The following FLT3LG variants were observed in gnomAD, a reference collection of about 807,000 sequenced individuals.
FLT3LG encodes the protein fms-related tyrosine kinase 3 ligand.
In FLT3LG, 8 loss-of-function variants were observed where a neutral mutation model predicts 30.9. The ratio of observed to expected loss-of-function variants is 0.26; its 90% CI spans 0.15 to 0.47. The LOEUF is 0.47. FLT3LG is among the 20% of genes least tolerant of loss of function. The probability of loss-of-function intolerance (pLI) is 0.99; values close to 1 mark genes in which losing one functional copy is unlikely to be tolerated. For missense variants in FLT3LG, 278 were observed against 306.2 expected (o/e 0.91, Z 0.69); for synonymous variants, 123 against 135.9 (o/e 0.91, Z 0.66).
chr19:49,476,690 A>C lies in FLT3LG; in HGVS notation c.342+124A>C. 7.8e-7 allele frequency: 1 copy of C among 1,281,622 alleles called. No homozygotes were observed. Among genetic ancestry groups the C allele is most frequent in the East Asian group, 2.4e-5 (1 of 41,176 alleles). 79.4% of individuals were successfully genotyped at this position (1,281,622 alleles called of 1,614,324 possible). The stretch of plus-strand genomic sequence containing the variant: ...GCCACCCAACGAAGGTAGAGCGAGA[A>C]GCGCCACCCTGCAGAGCCCTGTTCC... On this transcript the variant is annotated intron_variant, in intron 5 of 8. Coordinates refer to ENST00000597551, the MANE Select transcript of FLT3LG (RefSeq NM_001459.4). The surrounding 1 kb of genome is among the most constrained non-coding windows in gnomAD (Gnocchi z 5.3).
In FLT3LG at chr19:49,476,376, G is replaced by C; in HGVS notation, c.199-47G>C. The C allele has an allele frequency of 6.3e-7, 1 of 1,583,612 alleles. No homozygotes were observed. Among genetic ancestry groups the C allele is most frequent in the African/African-American group, 1.3e-5 (1 of 74,160 alleles). On this transcript the variant is annotated intron_variant, in intron 4 of 8. Coordinates refer to ENST00000597551, the MANE Select transcript of FLT3LG (RefSeq NM_001459.4). This position sits in a 1 kb window ranked among gnomAD's most constrained non-coding sequence, Gnocchi z 5.3. ...AGCCCCTCCTCCCTCAGACCCAGCA[G>C]CCCCGTGCCCAGCTCCTCCCTCAGA...
Position 49,479,006 on chromosome 19 carries a change from G to C in FLT3LG, c.440G>C (p.Arg147Pro). 1 of 1,607,042 alleles carries C rather than the reference G, an allele frequency of 6.2e-7. No individual in the cohort carries two copies. The highest frequency in any genetic ancestry group is 8.5e-7 in the Non-Finnish European group (1 of 1,176,902). The change falls in exon 6 of 9, where the codon CGC (arginine) becomes CCC (proline). Residue 147 changes from arginine to proline, a missense_variant. By Grantham distance (103) the Arg-to-Pro change is moderately radical. Coordinates refer to ENST00000597551, the MANE Select transcript of FLT3LG (RefSeq NM_001459.4). The part of the protein sequence containing the change: ...QLVALKPWIT[R>P]QNFSRCLELQ... ...GTGGCGCTGAAGCCCTGGATCACTC[G>C]CCAGAACTTCTCCCGGTGCCTGGAG...
At position 49,476,038 on chromosome 19, in the gene FLT3LG, C is replaced by G; in HGVS notation, c.145-107C>G. The G allele has an allele frequency of 3.0e-6, 4 of 1,315,172 alleles. No individual in the cohort carries two copies. Among genetic ancestry groups the G allele is most frequent in the Non-Finnish European group, 4.4e-6 (4 of 912,250 alleles). The allele number at this position is 1,315,172 out of a possible 1,614,324, so 81.5% of individuals were successfully genotyped here. A position where few individuals can be genotyped will look rare whatever the true frequency, so the allele number is the denominator to read the frequency against. Reference sequence around the variant, plus strand: ...CTGTGGCTTCTTCTGGGCTCCCCCTCTCTTGGTCTTGTCCCTCTCTCTCTG... The same window carrying G: ...CTGTGGCTTCTTCTGGGCTCCCCCTGTCTTGGTCTTGTCCCTCTCTCTCTG... On this transcript the variant is annotated intron_variant, in intron 3 of 8. Transcript: ENST00000597551. This position sits in a 1 kb window ranked among gnomAD's most constrained non-coding sequence, Gnocchi z 5.3.
chr19:49,475,510 G>T (rs748461701), intron 2 of FLT3LG, among the ~76,000 whole-genome samples, 181 bp from the exon 3 acceptor site: 6 of 152,008 alleles, frequency 3.9e-5, no homozygotes, highest in African/African-American at 1.5e-4. Flanking sequence ...TGGACCAGAG[G>T]CAGAGAGAAA....
At chr19:49,483,583 T>C (rs2079687637) in intron 8 of FLT3LG, among the ~76,000 whole-genome samples, 1 of 151,554 alleles carries the variant, frequency 6.6e-6, no homozygotes, top group Non-Finnish European at 1.5e-5. Context: ...AGTAGCTGGG[T>C]GTGGTGGCAC....
rs913693903 is a variant in FLT3LG at position 49,478,285 on chromosome 19, A to G, written c.343-624A>G. Among the ~76,000 whole-genome samples the G allele has an allele frequency of 1.1e-4, 17 of 151,478 alleles. No individual in the cohort carries two copies. The South Asian group carries it at 1.5e-3, about 13-fold the overall frequency. ...GATCAAGACCATCCTGGCTAACACA[A>G]TGAAACCCCATCTCTACTAAAAATA... is the stretch of plus-strand genomic sequence containing the variant. On this transcript the variant is annotated intron_variant, in intron 5 of 8. Coordinates refer to ENST00000597551, the MANE Select transcript of FLT3LG (RefSeq NM_001459.4).
At chr19:49,478,159 T>TATAA (rs60871456) in intron 5 of FLT3LG, among the ~76,000 whole-genome samples, 8,531 of 140,360 alleles carry the variant, frequency 0.061, 547 homozygotes, top group African/African-American at 0.15. Flanking sequence ...TACTAAAAAA[T>TATAA]ATAAATAAAT....
chr19:49,484,288 A>ATTTTTTTTT (rs745909519), intron 8 of FLT3LG, among the ~76,000 whole-genome samples: 3 of 98,352 alleles, frequency 3.1e-5, no homozygotes, highest in Non-Finnish European at 5.9e-5. Context: ...TTTTATTATA[A>ATTTTTTTTT]TTTTTTTTTT....
In FLT3LG at chr19:49,476,156, G is replaced by A. The variant is rs76946837; in HGVS notation, c.156G>A (p.Leu52=). ...AVKIRELSDY[L]LQDYPVTVAS... Reference sequence around the variant, plus strand: ...GTTTTCTCCCGCAGTCTGACTACCTGCTTCAAGATTACCCAGTCACCGTGG... The same window carrying A: ...GTTTTCTCCCGCAGTCTGACTACCTACTTCAAGATTACCCAGTCACCGTGG... Residue 52 remains leucine (L), a synonymous_variant, in exon 4 of 9, where the codon CTG becomes CTA. Transcript: ENST00000597551. The surrounding 1 kb of genome is among the most constrained non-coding windows in gnomAD (Gnocchi z 5.3). The A allele has an allele frequency of 1.8e-4, 290 of 1,613,762 alleles. No individual in the cohort carries two copies. The African/African-American group carries it at 3.5e-3, about 20-fold the overall frequency.
intron 5 of FLT3LG, among the ~76,000 whole-genome samples, chr19:49,478,303 T>C (rs1453565711): frequency 6.6e-6 from 1 of 151,034 alleles, no homozygotes; most frequent in African/African-American, 2.4e-5. Context: ...CCATCTCTAC[T>C]AAAAATACAA....
intron 2 of FLT3LG, 63 bp from the exon 3 acceptor site, chr19:49,475,628 G>A: frequency 6.4e-7 from 1 of 1,558,030 alleles, no homozygotes; most frequent in East Asian, 2.3e-5. Context: ...CAGGTGGGAA[G>A]CCCGGAGGAG....
chr19:49,482,035 T>C (rs1246798419), intron 8 of FLT3LG: 1 of 152,048 alleles, frequency 6.6e-6, no homozygotes, highest in East Asian at 1.9e-4. Context: ...CTTGAGAAGT[T>C]CGTGCCATTA....
At position 49,478,960 on chromosome 19, in the gene FLT3LG, C is replaced by A. The variant is rs777979329; in HGVS notation, c.394C>A (p.Gln132Lys). The change falls in exon 6 of 9, where the codon CAG (glutamine) becomes AAG (lysine). Residue 132 changes from glutamine (Q) to lysine (K), a missense_variant. By Grantham distance (53) the Gln-to-Lys change is moderately conservative (BLOSUM62 1). Around this residue, in one of 3 missense-constraint regions of FLT3LG, gnomAD observed 170 missense variants for 162.0 expected, o/e 1.05. Transcript: ENST00000597551. ...FVQTNISRLL[Q>K]ETSEQLVALK... ...CCAGACCAACATCTCCCGCCTCCTG[C>A]AGGAGACCTCCGAGCAGCTGGTGGC... The A allele has an allele frequency of 1.1e-5, 17 of 1,581,950 alleles. No individual in the cohort carries two copies. In the Admixed American group the frequency reaches 2.8e-4, roughly 26 times the overall value.
chr19:49,476,077 A>G lies in FLT3LG; in HGVS notation c.145-68A>G. 1.9e-6 allele frequency: 3 copies of G among 1,560,282 alleles called. No individual in the cohort carries two copies. Among genetic ancestry groups the G allele is most frequent in the Non-Finnish European group, 2.6e-6 (3 of 1,132,080 alleles). On this transcript the variant is annotated intron_variant, in intron 3 of 8. Coordinates refer to ENST00000597551, the MANE Select transcript of FLT3LG (RefSeq NM_001459.4). The surrounding 1 kb of genome is among the most constrained non-coding windows in gnomAD (Gnocchi z 5.3). ...CCTCTCTCTCTGGATCTCTGCTGCC[A>G]CCTCTGGGTCCCCACAGTTCTGTTT...
intron 6 of FLT3LG, chr19:49,479,666 T>TA: frequency 9.9e-6 from 2 of 203,000 alleles, no homozygotes; most frequent in Non-Finnish European, 1.9e-5. Context: ...CTCACGCGGC[T>TA]AATTTTTTTT....
Position 49,484,709 on chromosome 19 carries a change from C to T in FLT3LG, c.*22-1306C>T, listed in dbSNP as rs997916331. Among the ~76,000 whole-genome samples the T allele has an allele frequency of 1.5e-4, 22 of 151,634 alleles. No individual in the cohort carries two copies. The East Asian group carries it at 4.1e-3, about 28-fold the overall frequency. ...ATGGGGTTTCACCATATTGGCCAGG[C>T]TGATCTCGAACTCCTGACCTCGTGA... is the stretch of plus-strand genomic sequence containing the variant. On this transcript the variant is annotated intron_variant, in intron 8 of 8. Coordinates refer to ENST00000597551, the MANE Select transcript of FLT3LG (RefSeq NM_001459.4).
At chr19:49,485,239 C>CT (rs960350633) in intron 8 of FLT3LG, among the ~76,000 whole-genome samples, 1 of 140,800 alleles carries the variant, frequency 7.1e-6, no homozygotes, top group South Asian at 2.2e-4. Flanking sequence ...GTTTCTTTTT[C>CT]TTTTTTTTCT....
intron 2 of FLT3LG, 128 bp downstream of exon 2, chr19:49,474,800 G>A: frequency 1.0e-6 from 1 of 986,670 alleles, no homozygotes; most frequent in Non-Finnish European, 1.5e-6. Flanking sequence ...GAGATGGACA[G>A]ATGTGAGGGG....
intron 8 of FLT3LG, chr19:49,482,008 A>C (rs2079631438): frequency 6.6e-6 from 1 of 151,500 alleles, no homozygotes; most frequent in Non-Finnish European, 1.5e-5. Context: ...TGGGCTTTCC[A>C]CAAATGAACT....
Sources: allele counts gnomAD v4.1 joint callset (sites outside exome capture counted in the v4.1 genomes callset), GRCh38; gene constraint gnomAD v4.1.1; regional missense constraint gnomAD v4.1.1; non-coding constraint Gnocchi (gnomAD v3.1); transcripts MANE v1.5; gene names NCBI Gene and HGNC (gene_info 2026-07-23, HGNC 2026-07-21).